ARHGAP27: variants seen among roughly 807,000 people sequenced by gnomAD.
The protein encoded by ARHGAP27 is rho GTPase-activating protein 27.
Under a neutral mutation model 102.0 loss-of-function variants are expected in ARHGAP27, and 53 were observed. That is an observed-to-expected ratio of 0.52 (90% CI 0.42 to 0.65). The LOEUF (loss-of-function observed/expected upper bound fraction) is 0.65, where lower values mean the gene tolerates loss of function less well. ARHGAP27 is among the 30% of genes least tolerant of loss of function. The probability of loss-of-function intolerance (pLI) is 0.00; values close to 1 mark genes in which losing one functional copy is unlikely to be tolerated. For synonymous variants in ARHGAP27, 525 were observed against 542.8 expected, an observed-to-expected ratio of 0.97 and a Z score of 0.46; for missense variants, 1,117 against 1,256.2, an observed-to-expected ratio of 0.89 and a Z score of 1.68.
chr17:45,409,998 G>GC (rs2047710726), intron 4 of ARHGAP27: 1 of 566,988 alleles, frequency 1.8e-6, no homozygotes, highest in Non-Finnish European at 3.1e-6. Context: ...CCTTACAGTG[G>GC]TTCACCCCTT....
rs1474842740 is a variant in ARHGAP27 at position 45,427,778 on chromosome 17, A to G, written c.657+1845T>C. Reference sequence around the variant, plus strand: ...TGCCTGTCTCTGGCCAATGTCCTAGATTCCCCCCCTGGGTAAGTCCCCTAC... The same window carrying G: ...TGCCTGTCTCTGGCCAATGTCCTAGGTTCCCCCCCTGGGTAAGTCCCCTAC... On this transcript the variant is annotated intron_variant, in intron 4 of 19. Coordinates refer to ENST00000685559, the MANE Select transcript of ARHGAP27 (RefSeq NM_001282290.2). This position sits in a 1 kb window ranked among gnomAD's most constrained non-coding sequence, Gnocchi z 4.5. Among the ~76,000 whole-genome samples the G allele has an allele frequency of 1.3e-5, 2 of 152,116 alleles. No individual in the cohort carries two copies. Among genetic ancestry groups the G allele is most frequent in the Non-Finnish European group, 2.9e-5 (2 of 68,002 alleles).
chr17:45,410,161 A>G, intron 4 of ARHGAP27: 6 of 1,501,314 alleles, frequency 4.0e-6, no homozygotes, highest in Non-Finnish European at 5.3e-6. Context: ...TCTAAGCCCC[A>G]GCTCACCCAG....
At position 45,395,888 on chromosome 17, in the gene ARHGAP27, G is replaced by A. The variant is rs775337326; in HGVS notation, c.2387-39C>T. On this transcript the variant is annotated intron_variant, in intron 18 of 19. Transcript: ENST00000685559. ...GGTTTAGAGGGAGGGAGTCGGAACG[G>A]GAGGTAGGGGGTATCGGCTGGGCGA... 8 of 1,581,708 alleles carry A rather than the reference G, an allele frequency of 5.1e-6. No homozygotes were observed. In the Admixed American group the frequency reaches 1.4e-4, roughly 28 times the overall value.
intron 12 of ARHGAP27, among the ~76,000 whole-genome samples, chr17:45,402,168 G>A (rs1007623001): frequency 6.6e-6 from 1 of 152,140 alleles, no homozygotes; most frequent in Non-Finnish European, 1.5e-5. Flanking sequence ...CTCTGGCTCA[G>A]GGGCAGGGAA....
intron 4 of ARHGAP27, among the ~76,000 whole-genome samples, chr17:45,414,307 TC>T (rs1283167741): frequency 1.3e-5 from 2 of 151,898 alleles, no homozygotes; most frequent in African/African-American, 4.8e-5. Context: ...CAAGCCAACC[TC>T]CTCAGCCCGG....
chr17:45,402,941 C>A, intron 11 of ARHGAP27, 123 bp from the exon 12 acceptor site: 1 of 855,998 alleles, frequency 1.2e-6, no homozygotes, highest in Non-Finnish European at 1.9e-6. Context: ...GGGAAAAGTG[C>A]CCCAAGTGTT....
rs200263300 is a variant in ARHGAP27 at position 45,396,963 on chromosome 17, C to G, written c.1904G>C (p.Arg635Pro). The change falls in exon 14 of 20, where the codon CGC becomes CCC. Residue 635 changes from arginine (R) to proline (P), a missense_variant. Transcript: ENST00000685559. The part of the protein sequence containing the change: ...SSRVDFGSSE[R>P]LGSWQEKEED... Reference sequence around the variant, plus strand: ...CTCTTTCTCCTGCCAGCTTCCCAAGCGCTCGCTCGACCCGAAGTCCACTCT... The same window carrying G: ...CTCTTTCTCCTGCCAGCTTCCCAAGGGCTCGCTCGACCCGAAGTCCACTCT... 2.5e-6 allele frequency: 4 copies of G among 1,605,692 alleles called. No homozygotes were observed. The highest frequency in any genetic ancestry group is 1.3e-5 in the African/African-American group (1 of 74,938).
At position 45,430,335 on chromosome 17, in the gene ARHGAP27, C is replaced by T. The variant is rs1313730710; in HGVS notation, c.-18-38G>A. 1.3e-6 allele frequency: 2 copies of T among 1,513,074 alleles called. No homozygotes were observed. Among genetic ancestry groups the T allele is most frequent in the Non-Finnish European group, 1.8e-6 (2 of 1,139,124 alleles). The allele number at this position is 1,513,074 out of a possible 1,614,324, so 93.7% of individuals were successfully genotyped here. ...AGAAGGAGGGCCGCGGAGGTCAAGA[C>T]CACCGAGCCTGGAATAGCCCCGCAC... On this transcript the variant is annotated intron_variant, in intron 3 of 19. Transcript: ENST00000685559. This position sits in a 1 kb window ranked among gnomAD's most constrained non-coding sequence, Gnocchi z 4.4.
intron 6 of ARHGAP27, 87 bp downstream of exon 6, chr17:45,404,837 G>A: frequency 1.3e-6 from 2 of 1,589,414 alleles, no homozygotes; most frequent in Non-Finnish European, 1.7e-6. Flanking sequence ...GGGAGCTGCG[G>A]TTTAGAGCAC....
chr17:45,404,356 TC>T (rs748045215), intron 8 of ARHGAP27, 22 bp from the exon 9 acceptor site: 4 of 1,613,592 alleles, frequency 2.5e-6, no homozygotes, highest in Non-Finnish European at 3.4e-6. Flanking sequence ...GACAGATAGA[TC>T]CCACCAAGTC....
chr17:45,394,406 C>T lies in ARHGAP27; in HGVS notation c.*1050G>A, dbSNP rs2045366439. ...CAGCTCTTCGTGGCAAAGCGGGCCCCAGATGGGTGTACTTGTGTGTCAGAG... is the reference window on the plus strand; with the variant it reads ...CAGCTCTTCGTGGCAAAGCGGGCCCTAGATGGGTGTACTTGTGTGTCAGAG... On this transcript the variant is annotated 3_prime_UTR_variant, in exon 20 of 20. Transcript: ENST00000685559. 1 of 152,350 alleles carries T rather than the reference C, an allele frequency of 6.6e-6. No homozygotes were observed. The highest frequency in any genetic ancestry group is 2.4e-5 in the African/African-American group (1 of 41,436). 9.4% of individuals were successfully genotyped at this position (152,350 alleles called of 1,614,324 possible). A position where few individuals can be genotyped will look rare whatever the true frequency, so the allele number is the denominator to read the frequency against.
intron 4 of ARHGAP27, among the ~76,000 whole-genome samples, chr17:45,418,271 T>TA (rs66460873): frequency 0.024 from 2,436 of 100,104 alleles, 59 homozygotes; most frequent in African/African-American, 0.085. Context: ...TAATAAAAAG[T>TA]AAAAAAAAAA....
rs371140678 is a variant in ARHGAP27 at position 45,410,529 on chromosome 17, G to T, written c.658-4446C>A. 113 of 936,764 alleles carry T rather than the reference G, an allele frequency of 1.2e-4. No individual in the cohort carries two copies. The African/African-American group carries it at 1.6e-3, about 14-fold the overall frequency. 58.0% of individuals were successfully genotyped at this position (936,764 alleles called of 1,614,324 possible). On this transcript the variant is annotated intron_variant, in intron 4 of 19. Transcript: ENST00000685559. ...TATGCTTCTAGAAACACTGCTGGCT[G>T]CCCCACTCAGTGCTCTAATGACCAG...
At chr17:45,418,586 C>A (rs1284153070) in intron 4 of ARHGAP27, among the ~76,000 whole-genome samples, 1 of 152,206 alleles carries the variant, frequency 6.6e-6, no homozygotes, top group Non-Finnish European at 1.5e-5. Flanking sequence ...TCAGACACAG[C>A]TCTGGAGCCA....
At chr17:45,420,343 G>C (rs1026095490) in intron 4 of ARHGAP27, among the ~76,000 whole-genome samples, 1 of 152,018 alleles carries the variant, frequency 6.6e-6, no homozygotes, top group Non-Finnish European at 1.5e-5. Flanking sequence ...CACATAGGAC[G>C]GTGTTGCTTG....
At position 45,404,611 on chromosome 17, in the gene ARHGAP27, T is replaced by G. The variant is rs893850491; in HGVS notation, c.1319A>C (p.Glu440Ala). ...YNPEDSSVRW[E>A]LPQVPVPAPR... ...TCCCCAGGTTGTTACCTGGGGCAGC[T>G]CCCATCGAACAGAGGAGTCCTCTGG... Residue 440 changes from glutamate to alanine, a missense_variant, in exon 7 of 20, where the codon GAG (glutamate) becomes GCG (alanine). Around this residue, in one of 3 missense-constraint regions of ARHGAP27, gnomAD observed 610 missense variants for 716.4 expected, o/e 0.85. Transcript: ENST00000685559. The G allele has an allele frequency of 6.2e-7, 1 of 1,613,966 alleles. No individual in the cohort carries two copies. The highest frequency in any genetic ancestry group is 1.6e-4 in the Middle Eastern group (1 of 6,062).
chr17:45,416,334 G>T (rs1163409737), intron 4 of ARHGAP27, among the ~76,000 whole-genome samples: 2 of 151,954 alleles, frequency 1.3e-5, no homozygotes, highest in African/African-American at 4.8e-5. Flanking sequence ...GATTACAGGC[G>T]TGAGCCACCG....
Position 45,410,535 on chromosome 17 carries a change from C to T in ARHGAP27, c.658-4452G>A, listed in dbSNP as rs1034558196. ...TCTAGAAACACTGCTGGCTGCCCCACTCAGTGCTCTAATGACCAGTGAGCC... is the reference window on the plus strand; with the variant it reads ...TCTAGAAACACTGCTGGCTGCCCCATTCAGTGCTCTAATGACCAGTGAGCC... On this transcript the variant is annotated intron_variant, in intron 4 of 19. Coordinates refer to ENST00000685559, the MANE Select transcript of ARHGAP27 (RefSeq NM_001282290.2). 6.8e-6 allele frequency: 6 copies of T among 881,956 alleles called. No individual in the cohort carries two copies. In the African/African-American group the frequency reaches 1.1e-4, roughly 16 times the overall value. The allele number at this position is 881,956 out of a possible 1,614,324, so 54.6% of individuals were successfully genotyped here.
At chr17:45,422,833 A>G (rs2049171168) in intron 4 of ARHGAP27, among the ~76,000 whole-genome samples, 1 of 152,246 alleles carries the variant, frequency 6.6e-6, no homozygotes, top group Admixed American at 6.5e-5. Context: ...GAATAATACA[A>G]TCAATAAACA....
Sources: allele counts gnomAD v4.1 joint callset (sites outside exome capture counted in the v4.1 genomes callset), GRCh38; gene constraint gnomAD v4.1.1; regional missense constraint gnomAD v4.1.1; non-coding constraint Gnocchi (gnomAD v3.1); transcripts MANE v1.5; gene names NCBI Gene and HGNC (gene_info 2026-07-23, HGNC 2026-07-21).